PCLO: variants seen among roughly 807,000 people sequenced by gnomAD.
PCLO encodes piccolo presynaptic cytomatrix protein, also known as protein piccolo.
A neutral mutation model predicts 427.5 loss-of-function variants in PCLO; 82 were observed. The ratio of observed to expected loss-of-function variants is 0.19; its 90% CI spans 0.16 to 0.23. The LOEUF (loss-of-function observed/expected upper bound fraction) is 0.23, where lower values mean the gene tolerates loss of function less well. Among genes scored for constraint, PCLO ranks in the 10% least tolerant of loss-of-function variants. The probability of loss-of-function intolerance (pLI) is 1.00; values close to 1 mark genes in which losing one functional copy is unlikely to be tolerated. For missense variants in PCLO, 6,239 were observed against 6,115.9 expected (o/e 1.02, Z -0.67); for synonymous variants, 2,357 against 2,155.4 (o/e 1.09, Z -2.59).
At chr7:82,878,866 T>C (rs1273159615) in intron 10 of PCLO, among the ~76,000 whole-genome samples, 2 of 152,184 alleles carry the variant, frequency 1.3e-5, no homozygotes, top group South Asian at 4.1e-4. Context: ...TGTAAATTAA[T>C]GATCATGACT....
intron 3 of PCLO, among the ~76,000 whole-genome samples, chr7:83,031,288 A>T (rs1396305407): frequency 1.3e-5 from 2 of 152,176 alleles, no homozygotes; most frequent in Admixed American, 6.5e-5. Context: ...ATACCACACT[A>T]TTAGAAATAG....
At chr7:83,108,549 T>C (rs1348822617) in intron 3 of PCLO, among the ~76,000 whole-genome samples, 1 of 152,028 alleles carries the variant, frequency 6.6e-6, no homozygotes, top group African/African-American at 2.4e-5. Context: ...TCAAATGAGA[T>C]AGAAAATATT....
chr7:83,083,403 T>A (rs911550494), intron 3 of PCLO, among the ~76,000 whole-genome samples: 1 of 152,050 alleles, frequency 6.6e-6, no homozygotes, highest in Non-Finnish European at 1.5e-5. Context: ...TCATTAATTA[T>A]CTGTGGATGT....
chr7:83,044,432 C>T (rs1789055063), intron 3 of PCLO, among the ~76,000 whole-genome samples: 1 of 152,144 alleles, frequency 6.6e-6, no homozygotes. Context: ...GCACTTTCCA[C>T]ATAGCAGATA....
At chr7:82,959,547 A>G (rs1795609658) in intron 4 of PCLO, among the ~76,000 whole-genome samples, 1 of 152,220 alleles carries the variant, frequency 6.6e-6, no homozygotes, top group Non-Finnish European at 1.5e-5. Context: ...GATTAGGACC[A>G]GACTTATATA....
At chr7:83,126,746 T>C (rs938305154) in intron 3 of PCLO, among the ~76,000 whole-genome samples, 4 of 152,012 alleles carry the variant, frequency 2.6e-5, no homozygotes, top group Admixed American at 1.3e-4. Flanking sequence ...AAAAGGAAAT[T>C]TTTAAGAGGA....
intron 9 of PCLO, among the ~76,000 whole-genome samples, chr7:82,889,200 G>T (rs1413823324): frequency 6.6e-6 from 1 of 152,046 alleles, no homozygotes; most frequent in Admixed American, 6.6e-5. Context: ...CATGTGTGGT[G>T]TCCTGTTCCC....
At chr7:83,024,072 G>C (rs570533910) in intron 3 of PCLO, among the ~76,000 whole-genome samples, 2 of 152,168 alleles carry the variant, frequency 1.3e-5, no homozygotes, top group African/African-American at 4.8e-5. Context: ...TACATACTCA[G>C]ATAAGAAAAG....
rs753641058 is a variant in PCLO, at chr7:82,915,598, G to T, written c.12388C>A (p.Gln4130Lys). The change falls in exon 7 of 25, where the codon CAG (glutamine) becomes AAG (lysine). Residue 4130 changes from glutamine to lysine, a missense_variant. By Grantham distance (53) the Gln-to-Lys change is moderately conservative. Transcript: ENST00000333891. The part of the protein sequence containing the change: ...ELKLLKHQIK[Q>K]EFRRGTESLD... ...CTCTCTGTCCCTCTACGAAATTCCTGTTTAATCTGATGTTTCAGAAGCTTT... is the reference window on the plus strand; with the variant it reads ...CTCTCTGTCCCTCTACGAAATTCCTTTTTAATCTGATGTTTCAGAAGCTTT... 1.2e-6 allele frequency: 2 copies of T among 1,613,446 alleles called. No individual in the cohort carries two copies. Among genetic ancestry groups the T allele is most frequent in the East Asian group, 4.5e-5 (2 of 44,800 alleles).
intron 22 of PCLO, among the ~76,000 whole-genome samples, chr7:82,791,758 GTTTTACTT>G (rs1791106439): frequency 6.6e-6 from 1 of 151,784 alleles, no homozygotes; most frequent in Admixed American, 6.6e-5. Context: ...TCTTTTTCCA[GTTTTACTT>G]TTTTACTTAC....
chr7:83,144,417 G>A (rs374003890), intron 2 of PCLO, among the ~76,000 whole-genome samples: 79 of 151,984 alleles, frequency 5.2e-4, no homozygotes, highest in Admixed American at 3.1e-3. Flanking sequence ...GTGAAACTCC[G>A]TCTCAAAAAA....
intron 6 of PCLO, among the ~76,000 whole-genome samples, chr7:82,920,596 A>G (rs182802330): frequency 1.3e-5 from 2 of 151,992 alleles, no homozygotes; most frequent in East Asian, 3.9e-4. Flanking sequence ...ACAAACAAAT[A>G]ACCTTCAGGA....
chr7:83,129,486 G>T (rs2116595928), intron 3 of PCLO, among the ~76,000 whole-genome samples: 1 of 152,248 alleles, frequency 6.6e-6, no homozygotes, highest in South Asian at 2.1e-4. Flanking sequence ...TTCAAGTTTG[G>T]AAGGCTATAG....
At chr7:82,797,361 T>C (rs542103219) in intron 22 of PCLO, among the ~76,000 whole-genome samples, 5 of 152,132 alleles carry the variant, frequency 3.3e-5, no homozygotes, top group African/African-American at 1.2e-4. Context: ...AAAAAATAAC[T>C]ATTAAATACA....
At chr7:83,053,880 C>T (rs1426117471) in intron 3 of PCLO, among the ~76,000 whole-genome samples, 1 of 151,916 alleles carries the variant, frequency 6.6e-6, no homozygotes, top group Non-Finnish European at 1.5e-5. Context: ...CTACCAGACA[C>T]ATCTTCACTT....
intron 6 of PCLO, among the ~76,000 whole-genome samples, chr7:82,926,349 C>A (rs564949027): frequency 6.6e-6 from 1 of 152,108 alleles, no homozygotes; most frequent in Non-Finnish European, 1.5e-5. Context: ...TGCCATGAAA[C>A]AATATACCAT....
At chr7:83,030,119 G>GAAAAAAAAAAAAAAAAAAAA (rs199609017) in intron 3 of PCLO, among the ~76,000 whole-genome samples, 5 of 104,586 alleles carry the variant, frequency 4.8e-5, no homozygotes, top group South Asian at 3.3e-4. Flanking sequence ...AATAATAAAA[G>GAAAAAAAAAAAAAAAAAAAA]AAAAAAAAAA....
chr7:82,918,708 C>T (rs975477108), intron 6 of PCLO, among the ~76,000 whole-genome samples: 1 of 151,860 alleles, frequency 6.6e-6, no homozygotes, highest in East Asian at 1.9e-4. Context: ...CTGGCATATG[C>T]ATAAGCATTT....
At chr7:83,023,003 C>T (rs1013968441) in intron 3 of PCLO, among the ~76,000 whole-genome samples, 1 of 151,988 alleles carries the variant, frequency 6.6e-6, no homozygotes, top group Non-Finnish European at 1.5e-5. Flanking sequence ...CATGTATAAT[C>T]AAATCTAAGA....
Sources: gnomAD v4.1 joint callset for allele counts (sites outside exome capture counted in the v4.1 genomes callset) on GRCh38, gnomAD v4.1.1 for gene constraint, MANE v1.5 for transcripts, NCBI Gene and HGNC (gene_info 2026-07-23, HGNC 2026-07-21) for gene names.